ADGRL2: variants seen among roughly 807,000 people sequenced by gnomAD.
ADGRL2 encodes calcium-independent alpha-latrotoxin receptor 2.
ADGRL2 carries 44 observed loss-of-function variants against 157.4 expected under a neutral mutation model. The ratio of observed to expected loss-of-function variants is 0.28; its 90% confidence interval spans 0.22 to 0.36. ADGRL2 has a LOEUF of 0.36. Among genes scored for constraint, ADGRL2 ranks in the 10% least tolerant of loss-of-function variants. ADGRL2 has a pLI of 1.00. For synonymous variants in ADGRL2, 585 were observed against 624.7 expected (o/e 0.94, Z 0.95); for missense variants, 1,510 against 1,768.9 (o/e 0.85, Z 2.63).
chr1:81,978,425 A>AT (rs1018917086), intron 17 of ADGRL2, among the ~76,000 whole-genome samples: 1 of 151,674 alleles, frequency 6.6e-6, no homozygotes, highest in Admixed American at 6.6e-5. Context: ...ACATTATTAA[A>AT]TTTTTTTTAA....
intron 2 of ADGRL2, among the ~76,000 whole-genome samples, chr1:81,497,332 C>T (rs1377834477): frequency 6.6e-6 from 1 of 151,964 alleles, no homozygotes; most frequent in African/African-American, 2.4e-5. Context: ...ATTTAAGAAA[C>T]TTTTCAATTT....
At chr1:81,356,971 A>AAAAAAAAAAAAAAAAAAAAG (rs80327519) in intron 1 of ADGRL2, among the ~76,000 whole-genome samples, 33 of 99,402 alleles carry the variant, frequency 3.3e-4, no homozygotes, top group South Asian at 9.4e-4. Flanking sequence ...AAAAAAAAAA[A>AAAAAAAAAAAAAAAAAAAAG]AAGAAGTTGT....
At chr1:81,346,327 C>T (rs1022882470) in intron 1 of ADGRL2, among the ~76,000 whole-genome samples, 4 of 152,192 alleles carry the variant, frequency 2.6e-5, no homozygotes, top group African/African-American at 7.2e-5. Context: ...TCCACATCTA[C>T]AGCATTATAA....
At chr1:81,467,887 T>C (rs1427479726) in intron 2 of ADGRL2, among the ~76,000 whole-genome samples, 1 of 152,040 alleles carries the variant, frequency 6.6e-6, no homozygotes, top group African/African-American at 2.4e-5. Flanking sequence ...TATAAATTAA[T>C]CTTTTCAAAT....
At chr1:81,479,968 T>C (rs565077021) in intron 2 of ADGRL2, among the ~76,000 whole-genome samples, 6 of 152,346 alleles carry the variant, frequency 3.9e-5, no homozygotes, top group Admixed American at 2.6e-4. Flanking sequence ...TTATCTAATA[T>C]AGTTTTCATG....
intron 20 of ADGRL2, 123 bp downstream of exon 20, chr1:81,984,834 T>A (rs1340700584): frequency 9.0e-7 from 1 of 1,110,242 alleles, no homozygotes; most frequent in Non-Finnish European, 1.3e-6. Context: ...AATACTTGCT[T>A]TTTTAGTATT....
intron 2 of ADGRL2, among the ~76,000 whole-genome samples, chr1:81,449,472 G>A (rs1208200127): frequency 2.6e-5 from 4 of 152,266 alleles, no homozygotes; most frequent in East Asian, 1.9e-4. Context: ...CAAAATCCCC[G>A]GTGTAGCCAG....
At chr1:81,364,291 T>A (rs1200384108) in intron 1 of ADGRL2, among the ~76,000 whole-genome samples, 2 of 152,144 alleles carry the variant, frequency 1.3e-5, no homozygotes, top group Non-Finnish European at 2.9e-5. Context: ...ATTTGTGTTA[T>A]GACCAATTTC....
chr1:81,410,900 G>A (rs12142749), intron 1 of ADGRL2, among the ~76,000 whole-genome samples: 24,611 of 152,132 alleles, frequency 0.16, 2,245 homozygotes, highest in South Asian at 0.28. Context: ...CTTTTAAAGC[G>A]TATATTAAGT....
Position 81,342,627 on chromosome 1 carries a change from T to C in ADGRL2, c.-302+36118T>C, listed in dbSNP as rs1282962979. Among the ~76,000 whole-genome samples, 4 of 152,226 alleles carry C rather than the reference T, an allele frequency of 2.6e-5. No homozygotes were observed. In the East Asian group the frequency reaches 7.7e-4, roughly 29 times the overall value. ...TCTAATAGGTTTTAAAAAATCAAAG[T>C]AATCTAATAAATTTCAATTTTCCAT... On this transcript the variant is annotated intron_variant, in intron 1 of 24. Transcript: ENST00000370721.
At chr1:81,878,869 G>A (rs900570942) in intron 2 of ADGRL2, among the ~76,000 whole-genome samples, 12 of 152,174 alleles carry the variant, frequency 7.9e-5, no homozygotes, top group Admixed American at 2.6e-4. Flanking sequence ...TATATGCTAC[G>A]GTAGTATTTT....
At chr1:81,529,414 T>C (rs2079547988) in intron 2 of ADGRL2, among the ~76,000 whole-genome samples, 1 of 152,236 alleles carries the variant, frequency 6.6e-6, no homozygotes, top group Admixed American at 6.5e-5. Context: ...ATAAGCAGCA[T>C]GTTTCAGTTG....
At chr1:81,876,002 T>C (rs1268455170) in intron 2 of ADGRL2, among the ~76,000 whole-genome samples, 2 of 152,284 alleles carry the variant, frequency 1.3e-5, no homozygotes, top group East Asian at 1.9e-4. Flanking sequence ...ACAAGTCTTT[T>C]TCTAAGAGTC....
intron 2 of ADGRL2, among the ~76,000 whole-genome samples, chr1:81,520,327 T>C (rs2079283389): frequency 6.6e-6 from 1 of 152,134 alleles, no homozygotes. Context: ...TTAGGTAGGA[T>C]TTGATAAAGC....
chr1:81,740,270 G>A (rs188913986), intron 1 of ADGRL2, among the ~76,000 whole-genome samples: 5 of 152,148 alleles, frequency 3.3e-5, no homozygotes, highest in South Asian at 2.1e-4. Context: ...AATGCCTACC[G>A]AGTACATACC....
chr1:81,758,923 T>C (rs1017495599), intron 1 of ADGRL2, among the ~76,000 whole-genome samples: 5 of 152,136 alleles, frequency 3.3e-5, no homozygotes, highest in Non-Finnish European at 2.9e-5. Flanking sequence ...TTCCTTTATA[T>C]GTATATATAT....
In ADGRL2 at chr1:81,489,927, A is replaced by G. The variant is rs567728125; in HGVS notation, c.-248+44838A>G. 4.6e-5 allele frequency among the ~76,000 whole-genome samples: 7 copies of G among 152,216 alleles called. No individual in the cohort carries two copies. In the East Asian group the frequency reaches 7.7e-4, roughly 17 times the overall value. On this transcript the variant is annotated intron_variant, in intron 2 of 24. Transcript: ENST00000370721. ...AGATAAACAAAAGCTAAGAAAGTTCATTATCCCTGGAACTGCCTGGCAAGA... is the reference window on the plus strand; with the variant it reads ...AGATAAACAAAAGCTAAGAAAGTTCGTTATCCCTGGAACTGCCTGGCAAGA...
At chr1:81,708,655 TAC>T (rs201960798) in intron 1 of ADGRL2, among the ~76,000 whole-genome samples, 1,814 of 151,068 alleles carry the variant, frequency 0.012, 38 homozygotes, top group African/African-American at 0.042. Context: ...TATATATATA[TAC>T]ACACACACAT....
At chr1:81,416,970 C>T (rs1557673186) in intron 1 of ADGRL2, among the ~76,000 whole-genome samples, 2 of 152,166 alleles carry the variant, frequency 1.3e-5, no homozygotes, top group Non-Finnish European at 2.9e-5. Context: ...TAACAAGTTT[C>T]CCAGGTAATT....
Sources: allele counts gnomAD v4.1 joint callset (sites outside exome capture counted in the v4.1 genomes callset), GRCh38; gene constraint gnomAD v4.1.1; transcripts MANE v1.5; gene names NCBI Gene and HGNC (gene_info 2026-07-23, HGNC 2026-07-21).